ARHGEF4: variants seen among roughly 807,000 people sequenced by gnomAD.
ARHGEF4 encodes the protein Rho guanine nucleotide exchange factor 4.
ARHGEF4 carries 119 observed loss-of-function variants against 162.0 expected under a neutral mutation model. The ratio of observed to expected loss-of-function variants is 0.73; its 90% confidence interval spans 0.63 to 0.86. The LOEUF (loss-of-function observed/expected upper bound fraction) is 0.86. Among genes scored for constraint, ARHGEF4 ranks in the 40% least tolerant of loss-of-function variants. The probability of loss-of-function intolerance (pLI) is 0.00; values close to 1 mark genes in which losing one functional copy is unlikely to be tolerated. For missense variants in ARHGEF4, 2,488 were observed against 2,456.0 expected (o/e 1.01, Z -0.28); for synonymous variants, 1,014 against 979.9 (o/e 1.03, Z -0.65).
At position 130,942,173 on chromosome 2, in the gene ARHGEF4, G is replaced by T. The variant is rs371297233; in HGVS notation, c.3859-4336G>T. Among the ~76,000 whole-genome samples, 54 of 131,394 alleles carry T rather than the reference G, an allele frequency of 4.1e-4. 1 individual carries two copies. The highest frequency in any genetic ancestry group is 1.7e-3 in the African/African-American group (54 of 31,382). 86.2% of individuals were successfully genotyped at this position (131,394 alleles called of 152,430 possible). Reference sequence around the variant, plus strand: ...TTTTCTTTTTTTTTTTTTTTGAGACGGAGTCTTGCTTTGTCACTCAGGCTG... The same window carrying T: ...TTTTCTTTTTTTTTTTTTTTGAGACTGAGTCTTGCTTTGTCACTCAGGCTG... On this transcript the variant is annotated intron_variant, in intron 3 of 13. Coordinates refer to ENST00000409359, the MANE Select transcript of ARHGEF4 (RefSeq NM_001367493.1).
intron 4 of ARHGEF4, among the ~76,000 whole-genome samples, chr2:131,010,724 C>T (rs1015257740): frequency 2.0e-5 from 3 of 152,048 alleles, no homozygotes; most frequent in South Asian, 2.1e-4. Flanking sequence ...AGAGAAGAAA[C>T]GAAGTTAGGT....
intron 1 of ARHGEF4, among the ~76,000 whole-genome samples, chr2:130,907,038 T>G (rs1482683898): frequency 6.6e-6 from 1 of 152,092 alleles, no homozygotes; most frequent in Non-Finnish European, 1.5e-5. Flanking sequence ...TAGTCCCCAG[T>G]CCCCAGCCCT....
intron 4 of ARHGEF4, among the ~76,000 whole-genome samples, chr2:131,016,827 G>A (rs1418889942): frequency 2.6e-5 from 4 of 152,194 alleles, no homozygotes; most frequent in African/African-American, 9.6e-5. Context: ...GACTTGCAGG[G>A]CAGTAGGTCA....
At chr2:130,843,863 G>A (rs1003370206) in intron 1 of ARHGEF4, among the ~76,000 whole-genome samples, 2 of 152,188 alleles carry the variant, frequency 1.3e-5, no homozygotes, top group Non-Finnish European at 2.9e-5. Flanking sequence ...TGAATCCAGA[G>A]GGCCCCAGAT....
chr2:130,985,886 T>C (rs1242457285), intron 4 of ARHGEF4, among the ~76,000 whole-genome samples: 1 of 151,864 alleles, frequency 6.6e-6, no homozygotes, highest in Non-Finnish European at 1.5e-5. Context: ...GTGTATTGTA[T>C]ATGTTGTGTG....
intron 1 of ARHGEF4, among the ~76,000 whole-genome samples, chr2:130,864,460 C>G (rs1371183678): frequency 1.3e-5 from 2 of 152,050 alleles, no homozygotes; most frequent in Non-Finnish European, 2.9e-5. Context: ...CACGCTGGCT[C>G]ACGCCTATAA....
In ARHGEF4 at chr2:130,914,965, T is replaced by C; in HGVS notation, c.1019T>C (p.Ile340Thr). 1 of 1,550,190 alleles carries C rather than the reference T, an allele frequency of 6.5e-7. No individual in the cohort carries two copies. Among genetic ancestry groups the C allele is most frequent in the Non-Finnish European group, 8.7e-7 (1 of 1,146,818 alleles). Reference sequence around the variant, plus strand: ...AGGGCACTGGTCAGGGCCCATTCCATAGCAGGGTTTTCACCAGAGTGCCCC... The same window carrying C: ...AGGGCACTGGTCAGGGCCCATTCCACAGCAGGGTTTTCACCAGAGTGCCCC... ...HMRALVRAHS[I>T]AGFSPECPED... Residue 340 changes from isoleucine to threonine, a missense_variant, in exon 2 of 14, where the codon ATA (isoleucine) becomes ACA (threonine). By Grantham distance (89) the Ile-to-Thr change is moderately conservative (BLOSUM62 -1). Coordinates refer to ENST00000409359, the MANE Select transcript of ARHGEF4 (RefSeq NM_001367493.1).
At position 130,913,564 on chromosome 2, in the gene ARHGEF4, C is replaced by G. The variant is rs921255134; in HGVS notation, c.40-422C>G. On this transcript the variant is annotated intron_variant, in intron 1 of 13. Transcript: ENST00000409359. The stretch of plus-strand genomic sequence containing the variant: ...TCTAGCAAACCAAACTCAGAAAACA[C>G]TTCTTAAATGCAAGGGCATTGACTT... Among the ~76,000 whole-genome samples the G allele has an allele frequency of 2.6e-5, 4 of 152,244 alleles. No individual in the cohort carries two copies. In the Middle Eastern group the frequency reaches 0.01, roughly 388 times the overall value.
rs142895121 is a variant in ARHGEF4 at position 131,001,631 on chromosome 2, G to A, written c.3986-26314G>A. 5.0e-3 allele frequency among the ~76,000 whole-genome samples: 757 copies of A among 152,070 alleles called. 12 individuals are homozygous for A. The highest frequency in any genetic ancestry group is 0.017 in the African/African-American group (707 of 41,474). ...TAGTTTGGCAGTATCTAGTAAAGTC[G>A]AACATGATTCTCTATGTATCCTAGA... On this transcript the variant is annotated intron_variant, in intron 4 of 13. Transcript: ENST00000409359.
At chr2:130,869,848 G>A (rs1678340737) in intron 1 of ARHGEF4, among the ~76,000 whole-genome samples, 1 of 152,210 alleles carries the variant, frequency 6.6e-6, no homozygotes, top group Non-Finnish European at 1.5e-5. Flanking sequence ...TCGGTGTTAA[G>A]CTTGGGGGCC....
chr2:130,977,054 GGT>G lies in ARHGEF4; in HGVS notation c.3985+30424_3985+30425del, dbSNP rs543665369. On this transcript the variant is annotated intron_variant, in intron 4 of 13. Coordinates refer to ENST00000409359, the MANE Select transcript of ARHGEF4 (RefSeq NM_001367493.1). ...GTGAATGGTGTGTGTGTTGGTGTGT[GGT>G]GTGTTTTGTATGTGTGTTACTGTGT... Among the ~76,000 whole-genome samples, 497 of 151,590 alleles carry G rather than the reference GGT, an allele frequency of 3.3e-3. 2 individuals carry two copies. The highest frequency in any genetic ancestry group is 0.011 in the African/African-American group (451 of 41,320).
chr2:130,940,244 G>A (rs1414945986), intron 3 of ARHGEF4, among the ~76,000 whole-genome samples: 1 of 152,134 alleles, frequency 6.6e-6, no homozygotes, highest in Non-Finnish European at 1.5e-5. Flanking sequence ...TAACAGAGAG[G>A]AGGAGGTGGG....
At chr2:131,030,587 G>T (rs1258995757) in intron 5 of ARHGEF4, among the ~76,000 whole-genome samples, 3 of 152,226 alleles carry the variant, frequency 2.0e-5, no homozygotes, top group Non-Finnish European at 4.4e-5. Flanking sequence ...GCAGGCTGGT[G>T]CTGGGGAGGC....
chr2:130,908,938 T>C (rs1280439205), intron 1 of ARHGEF4, among the ~76,000 whole-genome samples: 2 of 152,106 alleles, frequency 1.3e-5, no homozygotes, highest in Non-Finnish European at 2.9e-5. Context: ...ATGCTCAACA[T>C]CATATGCCCT....
At position 131,039,984 on chromosome 2, in the gene ARHGEF4, C is replaced by T. The variant is rs533079230; in HGVS notation, c.4306-32C>T. ...GCGCGGGGCGTTGCTCCGAGGGATG[C>T]GGGGCACTGACCGGCCACGCATGGC... On this transcript the variant is annotated intron_variant, in intron 6 of 13. Transcript: ENST00000409359. 4 of 1,546,120 alleles carry T rather than the reference C, an allele frequency of 2.6e-6. No individual in the cohort carries two copies. In the South Asian group the frequency reaches 3.6e-5, roughly 14 times the overall value.
chr2:130,901,791 G>C (rs552405622), intron 1 of ARHGEF4, among the ~76,000 whole-genome samples: 3 of 152,286 alleles, frequency 2.0e-5, no homozygotes, highest in Non-Finnish European at 4.4e-5. Flanking sequence ...AAAGTGCTGA[G>C]ATTACAGGCC....
intron 4 of ARHGEF4, among the ~76,000 whole-genome samples, chr2:130,977,610 A>G (rs566046262): frequency 1.8e-4 from 27 of 151,448 alleles, no homozygotes; most frequent in Non-Finnish European, 3.5e-4. Context: ...TATGCGTTGC[A>G]TATGTATGGT....
intron 5 of ARHGEF4, among the ~76,000 whole-genome samples, chr2:131,030,508 G>A (rs1689778038): frequency 6.6e-6 from 1 of 152,218 alleles, no homozygotes; most frequent in African/African-American, 2.4e-5. Context: ...GTGTCCCCAG[G>A]GAGAAGGACA....
chr2:130,839,182 A>G (rs749807055), intron 1 of ARHGEF4, among the ~76,000 whole-genome samples: 117 of 152,182 alleles, frequency 7.7e-4, no homozygotes, highest in Non-Finnish European at 1.0e-3. Context: ...CCGACAACGT[A>G]GTTCATACTT....
Sources: gnomAD v4.1 joint callset for allele counts (sites outside exome capture counted in the v4.1 genomes callset) on GRCh38, gnomAD v4.1.1 for gene constraint, MANE v1.5 for transcripts, NCBI Gene and HGNC (gene_info 2026-07-23, HGNC 2026-07-21) for gene names.